Variants in PRKCA observed in about 807,000 individuals in gnomAD.
The protein encoded by PRKCA is protein kinase C alpha type.
PRKCA carries 27 observed loss-of-function variants against 87.0 expected under a neutral mutation model. The ratio of observed to expected loss-of-function variants is 0.31; its 90% CI spans 0.23 to 0.43. PRKCA has a LOEUF of 0.43. PRKCA is among the 20% of genes least tolerant of loss of function. PRKCA has a pLI of 1.00. For missense variants in PRKCA, 518 were observed against 852.3 expected, an observed-to-expected ratio of 0.61 and a Z score of 4.88; for synonymous variants, 329 against 311.1, an observed-to-expected ratio of 1.06 and a Z score of -0.61.
At chr17:66,572,173 T>A (rs1969097604) in intron 3 of PRKCA, among the ~76,000 whole-genome samples, 1 of 152,166 alleles carries the variant, frequency 6.6e-6, no homozygotes, top group Non-Finnish European at 1.5e-5. Context: ...TGAGAGGCTA[T>A]AAAGAATATC....
intron 3 of PRKCA, among the ~76,000 whole-genome samples, chr17:66,580,009 G>T (rs1969369819): frequency 6.6e-6 from 1 of 152,170 alleles, no homozygotes; most frequent in African/African-American, 2.4e-5. Context: ...TCAAGATCAG[G>T]GGAGATGTCT....
chr17:66,425,277 C>T (rs1912736832), intron 2 of PRKCA, among the ~76,000 whole-genome samples: 1 of 152,140 alleles, frequency 6.6e-6, no homozygotes, highest in Non-Finnish European at 1.5e-5. Flanking sequence ...CCCACCTCCA[C>T]CAACATCCAC....
At chr17:66,458,354 A>T (rs1914669880) in intron 2 of PRKCA, among the ~76,000 whole-genome samples, 2 of 152,326 alleles carry the variant, frequency 1.3e-5, no homozygotes, top group African/African-American at 4.8e-5. Context: ...GCTTCCTGGA[A>T]CACAGCCTAG....
intron 11 of PRKCA, among the ~76,000 whole-genome samples, chr17:66,739,611 C>T (rs145290350): frequency 6.6e-6 from 1 of 152,216 alleles, no homozygotes; most frequent in African/African-American, 2.4e-5. Flanking sequence ...CCCTAAAAAT[C>T]GGGGAGAGGG....
At chr17:66,711,924 A>C (rs1458551279) in intron 8 of PRKCA, among the ~76,000 whole-genome samples, 1 of 152,176 alleles carries the variant, frequency 6.6e-6, no homozygotes, top group Non-Finnish European at 1.5e-5. Flanking sequence ...AAGAAAAAAA[A>C]TATTCCTTGA....
intron 2 of PRKCA, among the ~76,000 whole-genome samples, chr17:66,447,874 A>G (rs1056309574): frequency 6.6e-6 from 1 of 152,132 alleles, no homozygotes; most frequent in Admixed American, 6.5e-5. Context: ...CTAAGACCAA[A>G]CTTGGGTACC....
At chr17:66,719,281 A>G (rs4567763) in intron 8 of PRKCA, among the ~76,000 whole-genome samples, 45,875 of 151,984 alleles carry the variant, frequency 0.3, 6,991 homozygotes, top group East Asian at 0.39. Flanking sequence ...GTGGCAGAAG[A>G]GTGCTTATAA....
chr17:66,485,536 A>G (rs1277353150), intron 2 of PRKCA, among the ~76,000 whole-genome samples: 2 of 152,150 alleles, frequency 1.3e-5, no homozygotes, highest in Admixed American at 6.5e-5. Context: ...TATTTTGACT[A>G]CCTTCCATCC....
intron 14 of PRKCA, chr17:66,775,760 A>G (rs1199588930): frequency 5.1e-6 from 5 of 985,102 alleles, no homozygotes; most frequent in Non-Finnish European, 3.6e-6. Flanking sequence ...CTCACCACGT[A>G]TTTATTCACT....
intron 13 of PRKCA, among the ~76,000 whole-genome samples, chr17:66,750,542 G>T (rs919738140): frequency 6.6e-6 from 1 of 152,006 alleles, no homozygotes; most frequent in African/African-American, 2.4e-5. Context: ...AATTCTCCCC[G>T]CCTTGGAGTT....
chr17:66,614,791 GC>G (rs963674797), intron 3 of PRKCA, among the ~76,000 whole-genome samples: 14 of 152,098 alleles, frequency 9.2e-5, no homozygotes, highest in African/African-American at 3.4e-4. Context: ...TGTGCTTACT[GC>G]CAAAAAGGGT....
At chr17:66,518,264 T>G (rs544209216) in intron 3 of PRKCA, among the ~76,000 whole-genome samples, 1 of 152,296 alleles carries the variant, frequency 6.6e-6, no homozygotes, top group Admixed American at 6.5e-5. Flanking sequence ...ATGAGCACAG[T>G]AGAAAGGAAA....
intron 5 of PRKCA, among the ~76,000 whole-genome samples, chr17:66,655,098 A>G (rs1971700115): frequency 1.3e-5 from 2 of 152,240 alleles, no homozygotes; most frequent in African/African-American, 4.8e-5. Flanking sequence ...TTGGCACAAG[A>G]AAACAGGAAA....
At chr17:66,565,559 A>G (rs1044673938) in intron 3 of PRKCA, among the ~76,000 whole-genome samples, 6 of 152,346 alleles carry the variant, frequency 3.9e-5, no homozygotes, top group Admixed American at 3.3e-4. Context: ...GCAGAAAGCC[A>G]GGGCTACAAA....
chr17:66,302,814 A>T lies in PRKCA; in HGVS notation c.-38A>T, dbSNP rs1408557353. On this transcript the variant is annotated 5_prime_UTR_variant, in exon 1 of 17. Coordinates refer to ENST00000413366, the MANE Select transcript of PRKCA (RefSeq NM_002737.3). ...CGCCCACCCGGCCCTCCGCGGCCGC[A>T]GCTCCCCGGCGGAGGCAAGAGGTGG... The T allele has an allele frequency of 1.8e-6, 2 of 1,138,644 alleles. No homozygotes were observed. Among genetic ancestry groups the T allele is most frequent in the Admixed American group, 5.4e-5 (2 of 37,136 alleles). The allele number at this position is 1,138,644 out of a possible 1,614,324, so 70.5% of individuals were successfully genotyped here.
At chr17:66,649,473 A>G (rs1244264353) in intron 5 of PRKCA, among the ~76,000 whole-genome samples, 3 of 152,234 alleles carry the variant, frequency 2.0e-5, no homozygotes, top group African/African-American at 4.8e-5. Flanking sequence ...AGTAAATACT[A>G]TTATTATCCT....
At chr17:66,690,440 T>G (rs1972747737) in intron 8 of PRKCA, among the ~76,000 whole-genome samples, 1 of 152,152 alleles carries the variant, frequency 6.6e-6, no homozygotes, top group African/African-American at 2.4e-5. Flanking sequence ...GTCCAGGCCC[T>G]CTATTGCCGG....
intron 3 of PRKCA, among the ~76,000 whole-genome samples, chr17:66,586,582 A>G (rs1161177433): frequency 2.6e-5 from 4 of 152,230 alleles, no homozygotes; most frequent in Non-Finnish European, 5.9e-5. Flanking sequence ...AAAGCTATGC[A>G]TGCCTTAGCC....
chr17:66,532,451 C>T (rs1439776330), intron 3 of PRKCA, among the ~76,000 whole-genome samples: 2 of 151,632 alleles, frequency 1.3e-5, no homozygotes, highest in Admixed American at 1.3e-4. Context: ...CTGCAGCTTC[C>T]GCCTCCCGGG....
Sources: gnomAD v4.1 joint callset for allele counts (sites outside exome capture counted in the v4.1 genomes callset) on GRCh38, gnomAD v4.1.1 for gene constraint, MANE v1.5 for transcripts, NCBI Gene and HGNC (gene_info 2026-07-23, HGNC 2026-07-21) for gene names.